Variants in CALU observed in about 807,000 individuals in gnomAD.
The protein encoded by CALU is calumenin.
In CALU, 13 loss-of-function variants were observed where a neutral mutation model predicts 37.5. The observed-to-expected ratio is 0.35, with a 90% confidence interval of 0.23 to 0.55. CALU has a LOEUF of 0.55. Ranked by LOEUF, CALU falls within the 20% of genes least tolerant of loss-of-function variation. The pLI is 0.89. For synonymous variants in CALU, 114 were observed against 133.8 expected, an observed-to-expected ratio of 0.85 and a Z score of 1.02; for missense variants, 282 against 391.7, an observed-to-expected ratio of 0.72 and a Z score of 2.36.
At chr7:128,744,605 T>C (rs1164449341) in intron 1 of CALU, among the ~76,000 whole-genome samples, 1 of 152,150 alleles carries the variant, frequency 6.6e-6, no homozygotes, top group Non-Finnish European at 1.5e-5. Context: ...ATCTGGGTCC[T>C]TGATGACCGT....
At chr7:128,754,073 CTG>C (rs1358440619) in intron 2 of CALU, among the ~76,000 whole-genome samples, 187 bp from the exon 3 acceptor site, 2 of 152,202 alleles carry the variant, frequency 1.3e-5, no homozygotes, top group Admixed American at 6.5e-5. Context: ...CCAGCCATGA[CTG>C]TGTTGACCTT....
Position 128,754,206 on chromosome 7 carries a change from G to C in CALU, c.222-56G>C, listed in dbSNP as rs1380152281. ...TAGCCCTGGGCACACACCTGGCTAA[G>C]TCCAGAGTTCTGTGTCTTTTTAACC... On this transcript the variant is annotated intron_variant, in intron 2 of 6. Transcript: ENST00000249364. 12 of 1,397,544 alleles carry C rather than the reference G, an allele frequency of 8.6e-6. 1 individual carries two copies. The highest frequency in any genetic ancestry group is 1.4e-5 in the African/African-American group (1 of 69,952). The allele number at this position is 1,397,544 out of a possible 1,614,324, so 86.6% of individuals were successfully genotyped here.
chr7:128,746,854 T>C (rs1800465207), intron 1 of CALU, among the ~76,000 whole-genome samples: 1 of 147,676 alleles, frequency 6.8e-6, no homozygotes, highest in Admixed American at 6.9e-5. Flanking sequence ...CTGCAAGCTC[T>C]GCCTCCTGGG....
At chr7:128,743,028 A>C (rs1188207506) in intron 1 of CALU, among the ~76,000 whole-genome samples, 1 of 152,250 alleles carries the variant, frequency 6.6e-6, no homozygotes, top group Admixed American at 6.5e-5. Flanking sequence ...AATCTAATAC[A>C]TATAAAATAC....
chr7:128,758,382 A>G (rs975692658), intron 3 of CALU, among the ~76,000 whole-genome samples: 2 of 152,226 alleles, frequency 1.3e-5, no homozygotes, highest in African/African-American at 4.8e-5. Flanking sequence ...TTGAAAGCCA[A>G]CTATGTGCCA....
rs1347724297 is a variant in CALU at position 128,771,038 on chromosome 7, G to A, written c.*1871G>A. On this transcript the variant is annotated 3_prime_UTR_variant, in exon 7 of 7. Transcript: ENST00000249364. ...AAGTTTAGCCCCAATATAGGGTAAT[G>A]GAAATTTCCTGCCCTCTGGGTTCCC... The A allele has an allele frequency of 1.3e-5, 2 of 152,572 alleles. No individual in the cohort carries two copies. Among genetic ancestry groups the A allele is most frequent in the Admixed American group, 1.3e-4 (2 of 15,272 alleles). 9.5% of individuals were successfully genotyped at this position (152,572 alleles called of 1,614,324 possible).
Position 128,769,321 on chromosome 7 carries a change from T to G in CALU, c.*154T>G, listed in dbSNP as rs1381592142. On this transcript the variant is annotated 3_prime_UTR_variant, in exon 7 of 7. Coordinates refer to ENST00000249364, the MANE Select transcript of CALU (RefSeq NM_001219.5). Reference sequence around the variant, plus strand: ...CATCCCGTCCCCATTCCTCCTCCTCTCTGAGGGACTGGAGGGAAGCCGTGC... The same window carrying G: ...CATCCCGTCCCCATTCCTCCTCCTCGCTGAGGGACTGGAGGGAAGCCGTGC... The G allele has an allele frequency of 1.9e-6, 1 of 536,292 alleles. No homozygotes were observed. The highest frequency in any genetic ancestry group is 1.9e-5 in the African/African-American group (1 of 52,582). 33.2% of individuals were successfully genotyped at this position (536,292 alleles called of 1,614,324 possible). A position where few individuals can be genotyped will look rare whatever the true frequency, so the allele number is the denominator to read the frequency against.
At chr7:128,742,446 T>G (rs982361106) in intron 1 of CALU, among the ~76,000 whole-genome samples, 1 of 152,240 alleles carries the variant, frequency 6.6e-6, no homozygotes, top group Non-Finnish European at 1.5e-5. Context: ...CAATGGGTCT[T>G]TGGTCAACCA....
At chr7:128,754,541 T>G (rs933551601) in intron 3 of CALU, 86 bp downstream of exon 3, 1 of 1,566,364 alleles carries the variant, frequency 6.4e-7, no homozygotes. Flanking sequence ...TGATTGTAGA[T>G]AAAATAGACG....
At chr7:128,768,256 A>G (rs1383472760) in intron 6 of CALU, among the ~76,000 whole-genome samples, 2 of 152,170 alleles carry the variant, frequency 1.3e-5, no homozygotes, top group East Asian at 3.9e-4. Flanking sequence ...TGTTCTGAGT[A>G]TATTTTTGTC....
Position 128,773,215 on chromosome 7 carries a change from G to A in CALU, c.*4048G>A, listed in dbSNP as rs970956245. 1.2e-4 allele frequency among the ~76,000 whole-genome samples: 18 copies of A among 152,300 alleles called. No individual in the cohort carries two copies. The highest frequency in any genetic ancestry group is 4.1e-4 in the African/African-American group (17 of 41,564). ...GCTCGTGCAGGCTAAAAGTTGGAAG[G>A]GAAATGATTAAGAAATTATTAAATG... On this transcript the variant is annotated 3_prime_UTR_variant, in exon 7 of 7. Transcript: ENST00000249364.
chr7:128,751,889 T>G (rs1332245826), intron 2 of CALU, among the ~76,000 whole-genome samples: 1 of 152,162 alleles, frequency 6.6e-6, no homozygotes. Context: ...CTAAAAGAAA[T>G]AACATGAGGT....
Position 128,767,623 on chromosome 7 carries a change from A to G in CALU, c.811A>G (p.Arg271Gly), listed in dbSNP as rs1445060646. The change falls in exon 6 of 7, where the codon AGG (arginine) becomes GGG (glycine). Residue 271 changes from arginine (R) to glycine (G), a missense_variant. Arg to Gly is a moderately radical substitution (Grantham distance 125). Transcript: ENST00000249364. ...CTATGATCATGCAGAGGCAGAAGCC[A>G]GGCACCTGGTCTATGAATCAGACCA... ...SDYDHAEAEA[R>G]HLVYESDQNK... 1 of 1,614,208 alleles carries G rather than the reference A, an allele frequency of 6.2e-7. No homozygotes were observed. Among genetic ancestry groups the G allele is most frequent in the Non-Finnish European group, 8.5e-7 (1 of 1,180,032 alleles).
At chr7:128,767,280 T>C (rs183578560) in intron 5 of CALU, among the ~76,000 whole-genome samples, 176 bp from the exon 6 acceptor site, 15 of 152,310 alleles carry the variant, frequency 9.8e-5, no homozygotes, top group Admixed American at 5.9e-4. Context: ...GCAAGATAAG[T>C]GATTAAGCCT....
At position 128,770,202 on chromosome 7, in the gene CALU, T is replaced by C. The variant is rs1801505156; in HGVS notation, c.*1035T>C. 1 of 152,586 alleles carries C rather than the reference T, an allele frequency of 6.6e-6. No homozygotes were observed. Among genetic ancestry groups the C allele is most frequent in the African/African-American group, 2.4e-5 (1 of 41,438 alleles). 9.5% of individuals were successfully genotyped at this position (152,586 alleles called of 1,614,324 possible). On this transcript the variant is annotated 3_prime_UTR_variant, in exon 7 of 7. Transcript: ENST00000249364. ...GAATTCTCTTAAGAAACCCTGAGATTAAAAAAAGACTATTTGGATAACTTA... is the reference window on the plus strand; with the variant it reads ...GAATTCTCTTAAGAAACCCTGAGATCAAAAAAAGACTATTTGGATAACTTA...
chr7:128,758,502 A>C (rs1384073952), intron 3 of CALU, among the ~76,000 whole-genome samples: 1 of 152,246 alleles, frequency 6.6e-6, no homozygotes, highest in Admixed American at 6.5e-5. Flanking sequence ...ACCAAGACAC[A>C]GGCCAAACAG....
At chr7:128,749,401 G>C (rs1004117340) in intron 2 of CALU, among the ~76,000 whole-genome samples, 2 of 152,140 alleles carry the variant, frequency 1.3e-5, no homozygotes, top group East Asian at 3.8e-4. Flanking sequence ...GGCTCTCTCG[G>C]TAGACATCTT....
intron 1 of CALU, among the ~76,000 whole-genome samples, chr7:128,746,467 A>AT (rs1029146299): frequency 5.4e-5 from 8 of 148,666 alleles, no homozygotes; most frequent in African/African-American, 1.2e-4. Flanking sequence ...TGCTTTTTTT[A>AT]TTTTTTTTGA....
chr7:128,750,237 A>G (rs55818554), intron 2 of CALU, among the ~76,000 whole-genome samples: 28,869 of 100,042 alleles, frequency 0.29, 3,673 homozygotes, highest in Middle Eastern at 0.46. Flanking sequence ...AAAAAAAAAA[A>G]AAAGAAAATA....
Sources: allele counts gnomAD v4.1 joint callset (sites outside exome capture counted in the v4.1 genomes callset), GRCh38; gene constraint gnomAD v4.1.1; transcripts MANE v1.5; gene names NCBI Gene and HGNC (gene_info 2026-07-23, HGNC 2026-07-21).